The following CD1B variants were observed in gnomAD, a reference collection of about 807,000 sequenced individuals.
The protein encoded by CD1B is T-cell surface glycoprotein CD1b.
In CD1B, 43 loss-of-function variants were observed where a neutral mutation model predicts 39.8. The observed-to-expected ratio is 1.08, with a 90% CI of 0.85 to 1.39. CD1B has a LOEUF of 1.39. Among genes scored for constraint, CD1B ranks in the 40% most tolerant of loss-of-function variants. The pLI is 0.00. For synonymous variants in CD1B, 192 were observed against 152.5 expected (o/e 1.26, Z -1.91); for missense variants, 495 against 403.8 (o/e 1.23, Z -1.94).
At chr1:158,307,182 AG>A in the CD1B span, among the ~76,000 whole-genome samples, 1,871 of 152,350 alleles carry the variant, frequency 0.012, 38 homozygotes, top group African/African-American at 0.04. Context: ...ACAGACTGCT[AG>A]CAAGACTAAT....
the CD1B span, among the ~76,000 whole-genome samples, chr1:158,311,631 G>A: frequency 1.3e-5 from 2 of 152,040 alleles, no homozygotes; most frequent in African/African-American, 2.4e-5. Context: ...ACAATTTTGG[G>A]TCTTACATTT....
chr1:158,312,835 G>A, the CD1B span, among the ~76,000 whole-genome samples: 3 of 152,032 alleles, frequency 2.0e-5, no homozygotes, highest in Non-Finnish European at 2.9e-5. Flanking sequence ...TGTATGCCCC[G>A]TATTTCTTTC....
the CD1B span, among the ~76,000 whole-genome samples, chr1:158,318,010 G>A: frequency 6.6e-6 from 1 of 152,164 alleles, no homozygotes; most frequent in East Asian, 1.9e-4. Flanking sequence ...TAATTTGATT[G>A]CACTGTGGTC....
chr1:158,285,437 G>C, the CD1B span, among the ~76,000 whole-genome samples: 1 of 152,136 alleles, frequency 6.6e-6, no homozygotes, highest in African/African-American at 2.4e-5. Flanking sequence ...ATTTAGCCAG[G>C]GTGGTGCTTA....
chr1:158,286,425 C>A, the CD1B span, among the ~76,000 whole-genome samples: 1 of 152,346 alleles, frequency 6.6e-6, no homozygotes, highest in Admixed American at 6.5e-5. Flanking sequence ...GATAGATGTA[C>A]ATAAACTCTT....
At chr1:158,316,709 T>C in the CD1B span, among the ~76,000 whole-genome samples, 1 of 151,116 alleles carries the variant, frequency 6.6e-6, no homozygotes, top group East Asian at 1.9e-4. Context: ...ATAGGAGTGG[T>C]GAGAGAGGGC....
the CD1B span, chr1:158,293,405 T>C: frequency 6.2e-7 from 1 of 1,607,824 alleles, no homozygotes; most frequent in Non-Finnish European, 8.5e-7. Context: ...TTATCCTCAG[T>C]TACCACCTCC....
the CD1B span, chr1:158,291,542 T>C: frequency 1.2e-6 from 1 of 834,010 alleles, no homozygotes; most frequent in Non-Finnish European, 1.8e-6. Flanking sequence ...GGGATATTCC[T>C]GATGTTGACT....
the CD1B span, among the ~76,000 whole-genome samples, chr1:158,287,283 G>GCACACACACACACA: frequency 1.3e-3 from 199 of 149,158 alleles, 1 homozygote; most frequent in African/African-American, 4.7e-3. Context: ...CATGGTGGGT[G>GCACACACACACACA]CACACACACA....
rs1652602382 is a variant in CD1B, at chr1:158,331,451, G to A, written c.-28C>T. On this transcript the variant is annotated 5_prime_UTR_variant, in exon 1 of 6. Coordinates refer to ENST00000368168, the MANE Select transcript of CD1B (RefSeq NM_001764.3). ...CACTGGGAGATGCAACTTCTTACTGGCAGAGCTGGTATTTGATCTCCAATT... is the reference window on the plus strand; with the variant it reads ...CACTGGGAGATGCAACTTCTTACTGACAGAGCTGGTATTTGATCTCCAATT... The A allele has an allele frequency of 1.3e-6, 2 of 1,594,486 alleles. No homozygotes were observed. Among genetic ancestry groups the A allele is most frequent in the Non-Finnish European group, 1.7e-6 (2 of 1,162,762 alleles).
chr1:158,329,161 C>G, intron 4 of CD1B, 147 bp from the exon 5 acceptor site: 1 of 906,874 alleles, frequency 1.1e-6, no homozygotes, highest in East Asian at 2.6e-5. Context: ...ATCCTTTGAT[C>G]CCCTCTACCC....
the CD1B span, among the ~76,000 whole-genome samples, chr1:158,316,200 A>G: frequency 5.9e-5 from 9 of 152,114 alleles, 1 homozygote; most frequent in African/African-American, 2.2e-4. Context: ...GAAGAAAGGC[A>G]TTGGTAGCTT....
the CD1B span, among the ~76,000 whole-genome samples, chr1:158,298,657 T>C: frequency 6.6e-6 from 1 of 152,212 alleles, no homozygotes; most frequent in African/African-American, 2.4e-5. Flanking sequence ...GCATGGAATG[T>C]TCTTCCATTT....
chr1:158,304,314 G>C, the CD1B span, among the ~76,000 whole-genome samples: 2 of 152,150 alleles, frequency 1.3e-5, no homozygotes, highest in Non-Finnish European at 2.9e-5. Context: ...GGCCTGGAGG[G>C]TCCTATGCCC....
the CD1B span, among the ~76,000 whole-genome samples, chr1:158,321,616 G>A: frequency 6.6e-6 from 1 of 152,002 alleles, no homozygotes; most frequent in African/African-American, 2.4e-5. Context: ...TCCTTTTGTG[G>A]TTAAGTGATA....
At chr1:158,291,647 A>G in the CD1B span, among the ~76,000 whole-genome samples, 1 of 152,116 alleles carries the variant, frequency 6.6e-6, no homozygotes, top group Non-Finnish European at 1.5e-5. Flanking sequence ...CCTACAATCC[A>G]GAGATACACA....
At chr1:158,325,644 C>T (rs1253446672), downstream of CD1B, among the ~76,000 whole-genome samples, 1 of 150,158 alleles carries the variant, frequency 6.7e-6, no homozygotes, top group Non-Finnish European at 1.5e-5. Flanking sequence ...ATTTTATACA[C>T]ACACACACAC....
the CD1B span, among the ~76,000 whole-genome samples, chr1:158,294,014 A>T: frequency 6.6e-6 from 1 of 152,222 alleles, no homozygotes; most frequent in African/African-American, 2.4e-5. Context: ...TACCTAGCAG[A>T]TAAATTCCAC....
chr1:158,307,090 C>G, the CD1B span, among the ~76,000 whole-genome samples: 3 of 152,154 alleles, frequency 2.0e-5, no homozygotes, highest in South Asian at 6.2e-4. Context: ...CAGAGCTGAA[C>G]TGAAGGAAAT....
Sources: allele counts gnomAD v4.1 joint callset (sites outside exome capture counted in the v4.1 genomes callset), GRCh38; gene constraint gnomAD v4.1.1; transcripts MANE v1.5; gene names NCBI Gene and HGNC (gene_info 2026-07-23, HGNC 2026-07-21).